Variants in MAF observed in about 807,000 individuals in gnomAD.
MAF encodes the protein MAF bZIP transcription factor.
Under a neutral mutation model 22.0 loss-of-function variants are expected in MAF, and 10 were observed. The ratio of observed to expected loss-of-function variants is 0.45; its 90% CI spans 0.28 to 0.77. The LOEUF is 0.77. MAF is among the 30% of genes least tolerant of loss of function. The probability of loss-of-function intolerance (pLI) is 0.12; values close to 1 mark genes in which losing one functional copy is unlikely to be tolerated. For synonymous variants in MAF, 337 were observed against 255.8 expected (o/e 1.32, Z -3.03); for missense variants, 544 against 548.4 (o/e 0.99, Z 0.08).
the MAF span, among the ~76,000 whole-genome samples, chr16:79,427,237 C>A: frequency 6.6e-6 from 1 of 152,188 alleles, no homozygotes; most frequent in Non-Finnish European, 1.5e-5. Context: ...AATCAATGAT[C>A]CAGAGGCAAG....
At chr16:79,219,354 G>C in the MAF span, among the ~76,000 whole-genome samples, 1 of 152,028 alleles carries the variant, frequency 6.6e-6, no homozygotes, top group African/African-American at 2.4e-5. Context: ...ACGCCTATCT[G>C]AAATTCTGTC....
the MAF span, among the ~76,000 whole-genome samples, chr16:79,501,720 G>A: frequency 2.0e-5 from 3 of 152,124 alleles, no homozygotes; most frequent in South Asian, 6.2e-4. Flanking sequence ...TGATTTACAC[G>A]GCATTCTTCC....
At chr16:79,427,676 A>T in the MAF span, among the ~76,000 whole-genome samples, 1 of 151,926 alleles carries the variant, frequency 6.6e-6, no homozygotes, top group African/African-American at 2.4e-5. Flanking sequence ...CTCTCCTTTA[A>T]GGATCTGCTT....
the MAF span, among the ~76,000 whole-genome samples, chr16:79,300,482 G>A: frequency 2.0e-5 from 3 of 152,110 alleles, no homozygotes; most frequent in Non-Finnish European, 2.9e-5. Context: ...TTGAACCCGG[G>A]AGGTGGAGGT....
the MAF span, among the ~76,000 whole-genome samples, chr16:79,226,355 A>G: frequency 1.3e-5 from 2 of 152,260 alleles, no homozygotes; most frequent in East Asian, 1.9e-4. Flanking sequence ...AGGGAGGGTA[A>G]CATCACATAC....
chr16:79,422,420 C>T, the MAF span, among the ~76,000 whole-genome samples: 17 of 152,124 alleles, frequency 1.1e-4, no homozygotes, highest in Middle Eastern at 3.2e-3. Context: ...TGTAGAGTCC[C>T]GGGGACCCCA....
chr16:79,267,144 C>G, the MAF span, among the ~76,000 whole-genome samples: 1 of 152,332 alleles, frequency 6.6e-6, no homozygotes, highest in African/African-American at 2.4e-5. Flanking sequence ...CCTAGAACAA[C>G]AAAGTTCAAT....
At chr16:79,461,709 T>A in the MAF span, among the ~76,000 whole-genome samples, 1 of 152,110 alleles carries the variant, frequency 6.6e-6, no homozygotes, top group African/African-American at 2.4e-5. Context: ...CATGTCCATG[T>A]GGTTACTGTT....
At chr16:79,469,907 T>C in the MAF span, among the ~76,000 whole-genome samples, 78 of 152,320 alleles carry the variant, frequency 5.1e-4, 1 homozygote, top group South Asian at 0.016. Flanking sequence ...CAGGGTCTCA[T>C]TTAAACTCAT....
chr16:79,217,681 CCT>C, the MAF span, among the ~76,000 whole-genome samples: 1 of 152,062 alleles, frequency 6.6e-6, no homozygotes, highest in Non-Finnish European at 1.5e-5. Flanking sequence ...CTTCCAAGTC[CCT>C]CTCTCTCCCT....
the MAF span, among the ~76,000 whole-genome samples, chr16:79,283,057 C>T: frequency 1.3e-5 from 2 of 152,158 alleles, no homozygotes; most frequent in Admixed American, 1.3e-4. Flanking sequence ...TTCTGAGCTC[C>T]TTGAGGGTGG....
chr16:79,213,877 A>G, the MAF span, among the ~76,000 whole-genome samples: 2 of 152,202 alleles, frequency 1.3e-5, no homozygotes, highest in Admixed American at 1.3e-4. Context: ...TTCTCAGCTC[A>G]CTAAGGTTAA....
the MAF span, among the ~76,000 whole-genome samples, chr16:79,215,021 T>C: frequency 6.6e-6 from 1 of 152,092 alleles, no homozygotes; most frequent in Non-Finnish European, 1.5e-5. Flanking sequence ...TTACATCTGA[T>C]TTCTAATATG....
chr16:79,246,952 G>C, the MAF span, among the ~76,000 whole-genome samples: 1 of 152,160 alleles, frequency 6.6e-6, no homozygotes, highest in East Asian at 1.9e-4. Context: ...CCATTCTGTA[G>C]ACAGGAGACA....
chr16:79,372,908 A>G, the MAF span, among the ~76,000 whole-genome samples: 1 of 152,160 alleles, frequency 6.6e-6, no homozygotes, highest in Admixed American at 6.5e-5. Flanking sequence ...GCCTCTTTCT[A>G]GAACATTCTT....
the MAF span, among the ~76,000 whole-genome samples, chr16:79,273,868 A>G: frequency 6.6e-6 from 1 of 151,062 alleles, no homozygotes; most frequent in Non-Finnish European, 1.5e-5. Flanking sequence ...TGGGACATGG[A>G]TATCTTTGAG....
chr16:79,334,627 C>T, the MAF span, among the ~76,000 whole-genome samples: 1 of 152,132 alleles, frequency 6.6e-6, no homozygotes, highest in Non-Finnish European at 1.5e-5. Flanking sequence ...TTCAGGATAG[C>T]AACAGCAGAG....
chr16:79,510,226 G>A, the MAF span, among the ~76,000 whole-genome samples: 1 of 152,168 alleles, frequency 6.6e-6, no homozygotes, highest in South Asian at 2.1e-4. Context: ...CAGCAAAAGG[G>A]CTCAATAAAT....
the MAF span, among the ~76,000 whole-genome samples, chr16:79,476,461 G>A: frequency 0.36 from 55,450 of 152,158 alleles, 11,542 homozygotes; most frequent in Middle Eastern, 0.47. Flanking sequence ...ACAATGAAAT[G>A]AAGTGTGCAT....
Sources: allele counts gnomAD v4.1 joint callset (sites outside exome capture counted in the v4.1 genomes callset), GRCh38; gene constraint gnomAD v4.1.1; transcripts MANE v1.5; gene names NCBI Gene and HGNC (gene_info 2026-07-23, HGNC 2026-07-21).